Variants in NBAS observed in about 807,000 individuals in gnomAD.
NBAS encodes the protein NAG/BC035112 fusion.
A neutral mutation model predicts 302.5 loss-of-function variants in NBAS; 219 were observed. The ratio of observed to expected loss-of-function variants is 0.72; its 90% CI spans 0.65 to 0.81. The LOEUF (loss-of-function observed/expected upper bound fraction) is 0.81, where lower values mean the gene tolerates loss of function less well. Ranked by LOEUF, NBAS falls within the 30% of genes least tolerant of loss-of-function variation. NBAS has a pLI of 0.00. For synonymous variants in NBAS, 1,118 were observed against 1,021.6 expected (o/e 1.09, Z -1.80); for missense variants, 2,932 against 2,841.6 (o/e 1.03, Z -0.72).
chr2:15,483,292 A>T, intron 12 of NBAS: 2 of 391,598 alleles, frequency 5.1e-6, no homozygotes, highest in South Asian at 2.1e-5. Flanking sequence ...ACAGCTGTGG[A>T]TTATATCAAG....
intron 40 of NBAS, among the ~76,000 whole-genome samples, chr2:15,303,272 CTGGA>C (rs1572621780): frequency 2.0e-5 from 3 of 152,196 alleles, no homozygotes; most frequent in Admixed American, 6.5e-5. Context: ...TTGATAGAAG[CTGGA>C]TGGAAGAAAC....
chr2:15,154,908 A>G, the NBAS span, among the ~76,000 whole-genome samples: 1 of 152,140 alleles, frequency 6.6e-6, no homozygotes, highest in South Asian at 2.1e-4. Context: ...GGCTCCCTAC[A>G]CGAAGAGGCT....
At chr2:14,840,282 T>C in the NBAS span, among the ~76,000 whole-genome samples, 9 of 151,960 alleles carry the variant, frequency 5.9e-5, no homozygotes, top group African/African-American at 1.9e-4. Context: ...CTACAAGATA[T>C]AGAAAATTAC....
the NBAS span, among the ~76,000 whole-genome samples, chr2:14,993,165 T>C: frequency 6.6e-6 from 1 of 152,066 alleles, no homozygotes; most frequent in Non-Finnish European, 1.5e-5. Flanking sequence ...CCTCACTGGA[T>C]TCTCACTCAC....
At chr2:15,505,592 A>C (rs1011154025) in intron 10 of NBAS, among the ~76,000 whole-genome samples, 4 of 152,238 alleles carry the variant, frequency 2.6e-5, no homozygotes, top group African/African-American at 9.6e-5. Context: ...AAATCTGCTA[A>C]GGTATTTGAA....
At chr2:15,366,477 C>G (rs1470376634) in intron 32 of NBAS, 103 bp downstream of exon 32, 2 of 1,122,926 alleles carry the variant, frequency 1.8e-6, no homozygotes, top group African/African-American at 3.1e-5. Flanking sequence ...AATAAAAAAG[C>G]TGTTCTTCTG....
At chr2:14,946,887 A>G in the NBAS span, among the ~76,000 whole-genome samples, 15 of 152,222 alleles carry the variant, frequency 9.9e-5, no homozygotes, top group Non-Finnish European at 2.2e-4. Flanking sequence ...GAAACTTCAC[A>G]TACACATGGA....
chr2:14,925,820 A>G, the NBAS span, among the ~76,000 whole-genome samples: 4 of 152,234 alleles, frequency 2.6e-5, no homozygotes, highest in African/African-American at 9.6e-5. Flanking sequence ...ATACTTTGTC[A>G]TACTATAGAA....
At chr2:15,270,003 AC>A (rs1019957669) in intron 44 of NBAS, among the ~76,000 whole-genome samples, 2 of 152,216 alleles carry the variant, frequency 1.3e-5, no homozygotes, top group Non-Finnish European at 2.9e-5. Context: ...GAATGCAGAA[AC>A]TAACATGAGA....
intron 9 of NBAS, among the ~76,000 whole-genome samples, chr2:15,532,728 G>T (rs1470772678): frequency 6.6e-6 from 1 of 151,856 alleles, no homozygotes; most frequent in Non-Finnish European, 1.5e-5. Context: ...AGCTAAAAGT[G>T]GTTACCTTTG....
intron 45 of NBAS, among the ~76,000 whole-genome samples, chr2:15,235,739 G>C (rs111933087): frequency 0.013 from 2,051 of 152,278 alleles, 48 homozygotes; most frequent in Admixed American, 0.06. Flanking sequence ...GTGAGGGAAG[G>C]CAGCGGTATG....
At chr2:15,256,543 T>C (rs1668605488) in intron 44 of NBAS, among the ~76,000 whole-genome samples, 1 of 152,248 alleles carries the variant, frequency 6.6e-6, no homozygotes. Context: ...CTTTATTTTT[T>C]TCTCTTGTCT....
rs149887559 is a variant in NBAS at position 15,374,850 on chromosome 2, T to G, written c.3591-130A>C. The G allele has an allele frequency of 1.3e-4, 103 of 767,044 alleles. 1 individual carries two copies. The East Asian group carries it at 2.8e-3, about 21-fold the overall frequency. The allele number at this position is 767,044 out of a possible 1,614,324, so 47.5% of individuals were successfully genotyped here. On this transcript the variant is annotated intron_variant, in intron 30 of 51. Coordinates refer to ENST00000281513, the MANE Select transcript of NBAS (RefSeq NM_015909.4). ...CCAGGAATTCATTCCGCTGGATGCC[T>G]TCTGTTATCTTAATCCTCATAGCAA...
the NBAS span, among the ~76,000 whole-genome samples, chr2:15,034,027 G>GAAGAAGAAGAAGAAGA: frequency 0.048 from 3,054 of 63,640 alleles, 246 homozygotes; most frequent in East Asian, 0.079. Context: ...AGAAGAAGAA[G>GAAGAAGAAGAAGAAGA]AGGAGGAGGA....
At chr2:15,358,408 G>A (rs560076074) in intron 32 of NBAS, among the ~76,000 whole-genome samples, 2 of 152,012 alleles carry the variant, frequency 1.3e-5, no homozygotes, top group Non-Finnish European at 2.9e-5. Flanking sequence ...GTGTGTGTGT[G>A]CGCACACATG....
Position 15,424,400 on chromosome 2 carries a change from C to A in NBAS, c.2492G>T (p.Arg831Met), listed in dbSNP as rs762172986. Residue 831 changes from arginine (R) to methionine (M), a missense_variant, in exon 23 of 52, where the codon AGG (arginine) becomes ATG (methionine). Physicochemically the swap from Arg to Met is moderately conservative, Grantham distance 91. Transcript: ENST00000281513. ...CACCGTAAGCTGGGTCATCCTGAACCTTAGTAACTCAGGCTGTGCAGCATA... is the reference window on the plus strand; with the variant it reads ...CACCGTAAGCTGGGTCATCCTGAACATTAGTAACTCAGGCTGTGCAGCATA... ...FLYAAQPELL[R>M]FRMTQLTVEK... 1 of 1,614,110 alleles carries A rather than the reference C, an allele frequency of 6.2e-7. No homozygotes were observed. The highest frequency in any genetic ancestry group is 8.5e-7 in the Non-Finnish European group (1 of 1,179,982).
chr2:14,914,835 G>A, the NBAS span, among the ~76,000 whole-genome samples: 2 of 152,180 alleles, frequency 1.3e-5, no homozygotes, highest in African/African-American at 4.8e-5. Context: ...ATTGGGCACA[G>A]GGAGTAGAAA....
chr2:15,494,504 C>A (rs561497865), intron 11 of NBAS, among the ~76,000 whole-genome samples: 12 of 152,246 alleles, frequency 7.9e-5, no homozygotes, highest in African/African-American at 2.6e-4. Flanking sequence ...TCGTAAATTC[C>A]AACAACATGT....
chr2:15,440,433 C>A (rs1678314535), intron 21 of NBAS, among the ~76,000 whole-genome samples: 1 of 152,188 alleles, frequency 6.6e-6, no homozygotes, highest in African/African-American at 2.4e-5. Flanking sequence ...CTCCAACAGA[C>A]CTGCAGCTGA....
Sources: gnomAD v4.1 joint callset for allele counts (sites outside exome capture counted in the v4.1 genomes callset) on GRCh38, gnomAD v4.1.1 for gene constraint, MANE v1.5 for transcripts, NCBI Gene and HGNC (gene_info 2026-07-23, HGNC 2026-07-21) for gene names.